Variants in RNF220 observed in about 807,000 individuals in gnomAD.
RNF220 encodes ring finger protein 220.
RNF220 carries 7 observed loss-of-function variants against 67.1 expected under a neutral mutation model. That is an observed-to-expected ratio of 0.10 (90% confidence interval 0.06 to 0.20). The LOEUF is 0.20. Among genes scored for constraint, RNF220 ranks in the 10% least tolerant of loss-of-function variants. RNF220 has a pLI of 1.00. For synonymous variants in RNF220, 270 were observed against 283.2 expected, an observed-to-expected ratio of 0.95 and a Z score of 0.47; for missense variants, 565 against 740.3, an observed-to-expected ratio of 0.76 and a Z score of 2.75.
At chr1:44,551,684 GA>G (rs60104648) in intron 2 of RNF220, among the ~76,000 whole-genome samples, 4 of 151,902 alleles carry the variant, frequency 2.6e-5, no homozygotes, top group Admixed American at 6.5e-5. Flanking sequence ...AGCCAAAGGG[GA>G]AAAAAAATCT....
At chr1:44,628,069 C>G (rs1468814181) in intron 5 of RNF220, among the ~76,000 whole-genome samples, 4 of 152,358 alleles carry the variant, frequency 2.6e-5, no homozygotes, top group South Asian at 4.1e-4. Flanking sequence ...TGCCCCGATC[C>G]AGACAACCCT....
intron 2 of RNF220, among the ~76,000 whole-genome samples, chr1:44,580,030 CAAAAAAAAA>C (rs61499825): frequency 1.2e-3 from 76 of 65,262 alleles, no homozygotes; most frequent in African/African-American, 3.2e-3. Flanking sequence ...CCCTGTCTCA[CAAAAAAAAA>C]AAAAAAAAAA....
At chr1:44,460,121 A>C (rs909387213) in intron 2 of RNF220, among the ~76,000 whole-genome samples, 3 of 152,222 alleles carry the variant, frequency 2.0e-5, no homozygotes, top group Non-Finnish European at 4.4e-5. Context: ...GAGTCAGTGC[A>C]GAACACCCAC....
chr1:44,517,996 A>G (rs923545171), intron 2 of RNF220, among the ~76,000 whole-genome samples: 1 of 152,196 alleles, frequency 6.6e-6, no homozygotes, highest in Non-Finnish European at 1.5e-5. Flanking sequence ...AATTCCAGCT[A>G]CTTGGGAGGC....
intron 2 of RNF220, among the ~76,000 whole-genome samples, chr1:44,520,085 TTGTGTGTGTGTGTG>T (rs1167831790): frequency 0.018 from 1,864 of 106,434 alleles, 54 homozygotes; most frequent in African/African-American, 0.062. Context: ...AAGTCCAGCA[TTGTGTGTGTGTGTG>T]TGTGTGTGTG....
intron 3 of RNF220, among the ~76,000 whole-genome samples, chr1:44,620,150 T>C (rs1375363264): frequency 2.0e-5 from 3 of 152,226 alleles, no homozygotes; most frequent in African/African-American, 7.2e-5. Context: ...GGAGGCAGCA[T>C]GGGCAATTAA....
At chr1:44,490,724 A>G (rs1378028922) in intron 2 of RNF220, among the ~76,000 whole-genome samples, 1 of 152,052 alleles carries the variant, frequency 6.6e-6, no homozygotes, top group Non-Finnish European at 1.5e-5. Flanking sequence ...AGCAGAAAAA[A>G]GGAAATAAAG....
chr1:44,507,571 C>T (rs529365851), intron 2 of RNF220, among the ~76,000 whole-genome samples: 2 of 151,770 alleles, frequency 1.3e-5, no homozygotes, highest in African/African-American at 4.8e-5. Flanking sequence ...CTCAGCTGGC[C>T]GGCCTCTCGG....
At chr1:44,421,176 G>A (rs903855579) in intron 2 of RNF220, among the ~76,000 whole-genome samples, 4 of 152,158 alleles carry the variant, frequency 2.6e-5, no homozygotes, top group Non-Finnish European at 4.4e-5. Context: ...CTGAGTCTGG[G>A]AGTCGGGAGA....
At chr1:44,441,567 A>G (rs1156254590) in intron 2 of RNF220, among the ~76,000 whole-genome samples, 1 of 152,242 alleles carries the variant, frequency 6.6e-6, no homozygotes, top group Non-Finnish European at 1.5e-5. Context: ...ATTCTGAAAG[A>G]AGAGAACATT....
At chr1:44,525,547 T>G (rs1309893217) in intron 2 of RNF220, among the ~76,000 whole-genome samples, 1 of 152,234 alleles carries the variant, frequency 6.6e-6, no homozygotes, top group South Asian at 2.1e-4. Flanking sequence ...TGACTTTTGC[T>G]GATACCACTG....
chr1:44,555,666 A>G (rs12076513), intron 2 of RNF220, among the ~76,000 whole-genome samples: 4,884 of 149,076 alleles, frequency 0.033, 530 homozygotes, highest in African/African-American at 0.12. Flanking sequence ...TAGTAGAGAC[A>G]GGGTTTCACC....
chr1:44,492,276 T>TA (rs1656920891), intron 2 of RNF220, among the ~76,000 whole-genome samples: 1 of 152,108 alleles, frequency 6.6e-6, no homozygotes, highest in African/African-American at 2.4e-5. Flanking sequence ...CAAGTGCTGG[T>TA]AAAAAATGTA....
chr1:44,470,928 T>C (rs1331935287), intron 2 of RNF220, among the ~76,000 whole-genome samples: 2 of 152,132 alleles, frequency 1.3e-5, no homozygotes, highest in Admixed American at 6.5e-5. Flanking sequence ...CTTCTCCGCT[T>C]CTTTATCTCC....
intron 2 of RNF220, among the ~76,000 whole-genome samples, chr1:44,542,180 G>C (rs1661724708): frequency 6.6e-6 from 1 of 152,188 alleles, no homozygotes; most frequent in South Asian, 2.1e-4. Context: ...CCCTCACAAG[G>C]GAGCTTTACA....
intron 2 of RNF220, among the ~76,000 whole-genome samples, chr1:44,416,688 G>A (rs534117284): frequency 1.3e-5 from 2 of 152,348 alleles, no homozygotes; most frequent in Non-Finnish European, 2.9e-5. Context: ...TTACCCCAGG[G>A]ATGGACCCTG....
intron 2 of RNF220, among the ~76,000 whole-genome samples, chr1:44,422,954 C>G (rs1042362539): frequency 6.6e-6 from 1 of 152,192 alleles, no homozygotes; most frequent in Non-Finnish European, 1.5e-5. Context: ...TTTAATCATT[C>G]AGCTGTATTT....
intron 2 of RNF220, among the ~76,000 whole-genome samples, chr1:44,608,394 T>C (rs1423945875): frequency 6.6e-6 from 1 of 152,210 alleles, no homozygotes; most frequent in East Asian, 1.9e-4. Flanking sequence ...TGTGGAGTCA[T>C]ATTGAATCAT....
chr1:44,459,765 C>A (rs1324749374), intron 2 of RNF220, among the ~76,000 whole-genome samples: 1 of 152,052 alleles, frequency 6.6e-6, no homozygotes, highest in African/African-American at 2.4e-5. Flanking sequence ...AAGCCTGAAT[C>A]CAAGGAAGGA....
Sources: gnomAD v4.1 joint callset for allele counts (sites outside exome capture counted in the v4.1 genomes callset) on GRCh38, gnomAD v4.1.1 for gene constraint, MANE v1.5 for transcripts, NCBI Gene and HGNC (gene_info 2026-07-23, HGNC 2026-07-21) for gene names.